The following MUC6 variants were observed in gnomAD, a reference collection of about 807,000 sequenced individuals.
The protein encoded by MUC6 is mucin-6.
In MUC6, 188 loss-of-function variants were observed where a neutral mutation model predicts 201.5. The observed-to-expected ratio is 0.93, with a 90% confidence interval of 0.83 to 1.05. The LOEUF (loss-of-function observed/expected upper bound fraction) is 1.05, where lower values mean the gene tolerates loss of function less well. Ranked by LOEUF, MUC6 falls within the 50% of genes least tolerant of loss-of-function variation. MUC6 has a pLI of 0.00. For synonymous variants in MUC6, 1,228 were observed against 1,389.4 expected, an observed-to-expected ratio of 0.88 and a Z score of 2.58; for missense variants, 2,706 against 3,256.9, an observed-to-expected ratio of 0.83 and a Z score of 4.12.
intron 29 of MUC6, 70 bp from the exon 30 acceptor site, chr11:1,019,566 C>G (rs1856762727): frequency 1.4e-6 from 2 of 1,384,356 alleles, no homozygotes; most frequent in South Asian, 2.4e-5. Context: ...TGTCCCAGCC[C>G]CCTGCCCTGC....
Position 1,026,945 on chromosome 11 carries a change from GCAA to G in MUC6, c.2387_2389del (p.Val796del), listed in dbSNP as rs760773071. ...GCTCCTCGCGCGCCCCCTTACGCAG[GCAA>G]CACCGGTGGCCAGCATCTGGCATGT... On this transcript the variant is annotated inframe_deletion, in exon 19 of 33. Transcript: ENST00000421673. The G allele has an allele frequency of 6.3e-7, 1 of 1,584,904 alleles. No individual in the cohort carries two copies. Among genetic ancestry groups the G allele is most frequent in the South Asian group, 1.1e-5 (1 of 87,012 alleles).
chr11:1,029,434 C>T, intron 9 of MUC6, 61 bp downstream of exon 9: 3 of 1,601,868 alleles, frequency 1.9e-6, no homozygotes, highest in African/African-American at 2.7e-5. Flanking sequence ...ACACCCCTGC[C>T]TGCCCTAGGC....
chr11:1,020,832 A>G, intron 27 of MUC6, 98 bp from the exon 28 acceptor site: 2 of 1,459,032 alleles, frequency 1.4e-6, no homozygotes, highest in Non-Finnish European at 1.9e-6. Context: ...GATGCTCACC[A>G]AGGCTGTGGT....
intron 30 of MUC6, among the ~76,000 whole-genome samples, chr11:1,018,976 G>C (rs979412024): frequency 6.6e-6 from 1 of 152,148 alleles, no homozygotes; most frequent in Admixed American, 6.5e-5. Flanking sequence ...GCTGCGTGCT[G>C]ACTCCTTCAG....
intron 1 of MUC6, among the ~76,000 whole-genome samples, chr11:1,035,138 G>A (rs929703555): frequency 1.8e-4 from 27 of 152,274 alleles, no homozygotes; most frequent in East Asian, 1.2e-3. Flanking sequence ...CCTGCAGCCC[G>A]TCTGTCCGAC....
In MUC6 at chr11:1,029,478, T is replaced by G. The variant is rs1407334139; in HGVS notation, c.1136+17A>C. 6.2e-7 allele frequency: 1 copy of G among 1,611,162 alleles called. No individual in the cohort carries two copies. The highest frequency in any genetic ancestry group is 1.7e-5 in the Admixed American group (1 of 59,830). On this transcript the variant is annotated intron_variant, in intron 9 of 32. Coordinates refer to ENST00000421673, the MANE Select transcript of MUC6 (RefSeq NM_005961.3). ...CCCCTGCCGGCCGGCCAGAGCCCCCTCCGGCGCCTCACTCACCAGGTTTGG... is the reference window on the plus strand; with the variant it reads ...CCCCTGCCGGCCGGCCAGAGCCCCCGCCGGCGCCTCACTCACCAGGTTTGG...
At position 1,016,501 on chromosome 11, in the gene MUC6, T is replaced by C. The variant is rs1350211230; in HGVS notation, c.6300A>G (p.Ser2100=). 6.2e-7 allele frequency: 1 copy of C among 1,601,388 alleles called. No homozygotes were observed. The highest frequency in any genetic ancestry group is 1.1e-5 in the South Asian group (1 of 90,508). ...TGGTGATAGGTGATGACGGTGGCCT[T>C]GAGCTAGAGTTCTGAGGCAGCCAAG... The part of the protein sequence containing the change: ...SSSWLPQNSS[S]RPPSSPITTQ... Residue 2100 remains serine, a synonymous_variant, in exon 31 of 33, where the codon TCA becomes TCG. Transcript: ENST00000421673.
rs199986032 is a variant in MUC6 at position 1,025,843 on chromosome 11, C to T, written c.2761G>A (p.Gly921Arg). Residue 921 changes from glycine to arginine, a missense_variant, in exon 22 of 33, where the codon GGG becomes AGG. Gly to Arg is a moderately radical substitution (Grantham distance 125). Transcript: ENST00000421673. Reference sequence around the variant, plus strand: ...TTGATGGCCCGTGAGCATGTGACCCCGGAGTTCCCACAGATGACGTTCTCT... The same window carrying T: ...TTGATGGCCCGTGAGCATGTGACCCTGGAGTTCCCACAGATGACGTTCTCT... ...LTENVICGNS[G>R]VTCSRAIKIF... 248 of 1,612,910 alleles carry T rather than the reference C, an allele frequency of 1.5e-4. 1 individual carries two copies. Among genetic ancestry groups the T allele is most frequent in the Non-Finnish European group, 1.9e-4 (223 of 1,179,762 alleles).
Position 1,033,046 on chromosome 11 carries a change from C to G in MUC6, c.82G>C (p.Gly28Arg). ...GGAGAGTCCTTCAGCCTCTGGAGGC[C>G]TGGGCTGGTGTAGGAGGTGTTAGCC... is the stretch of plus-strand genomic sequence containing the variant. ...GLANTSYTSP[G>R]LQRLKDSPQT... The change falls in exon 2 of 33, where the codon GGC becomes CGC. Residue 28 changes from glycine (G) to arginine (R), a missense_variant. Coordinates refer to ENST00000421673, the MANE Select transcript of MUC6 (RefSeq NM_005961.3). The surrounding 1 kb of genome is among the most constrained non-coding windows in gnomAD (Gnocchi z 5.6). 6.2e-7 allele frequency: 1 copy of G among 1,609,766 alleles called. No individual in the cohort carries two copies. Among genetic ancestry groups the G allele is most frequent in the Non-Finnish European group, 8.5e-7 (1 of 1,176,592 alleles).
At chr11:1,023,885 C>T (rs534551191) in intron 25 of MUC6, 62 bp downstream of exon 25, 21 of 1,575,004 alleles carry the variant, frequency 1.3e-5, no homozygotes, top group East Asian at 6.9e-5. Context: ...AGCCCTGCGC[C>T]GGCCCTTAGT....
Position 1,019,344 on chromosome 11 carries a change from C to G in MUC6, c.3961G>C (p.Ala1321Pro). The change falls in exon 30 of 33, where the codon GCT becomes CCT. Residue 1321 changes from alanine (A) to proline (P), a missense_variant. Transcript: ENST00000421673. ...ATTGTGGTCCGTGTTGTGGACTGAG[C>G]TGTGGACGTCGTGGCTGGGCTGGCG... ...STASPATTST[A>P]QSTTRTTMTL... 1 of 1,613,842 alleles carries G rather than the reference C, an allele frequency of 6.2e-7. No individual in the cohort carries two copies. Among genetic ancestry groups the G allele is most frequent in the Non-Finnish European group, 8.5e-7 (1 of 1,179,802 alleles).
In MUC6 at chr11:1,036,686, C is replaced by A; in HGVS notation, c.-31G>T. On this transcript the variant is annotated 5_prime_UTR_variant, in exon 1 of 33. Transcript: ENST00000421673. ...ACAGTGGAGAGGAGCTCGCGCTGGG[C>A]CCGGCAGGCCTGCTGCTGCCATCCA... The A allele has an allele frequency of 6.5e-7, 1 of 1,542,108 alleles. No homozygotes were observed.
In MUC6 at chr11:1,027,065, G is replaced by A. The variant is rs766965155; in HGVS notation, c.2285-15C>T. On this transcript the variant is annotated splice_polypyrimidine_tract_variant and intron_variant, in intron 18 of 32. Coordinates refer to ENST00000421673, the MANE Select transcript of MUC6 (RefSeq NM_005961.3). ...CTGGCAGGAGGCTGCAGGAAAGAGGGGTGCGCGGTCAGGACACTCAGAGGA... is the reference window on the plus strand; with the variant it reads ...CTGGCAGGAGGCTGCAGGAAAGAGGAGTGCGCGGTCAGGACACTCAGAGGA... 6.2e-7 allele frequency: 1 copy of A among 1,605,050 alleles called. No individual in the cohort carries two copies. The highest frequency in any genetic ancestry group is 1.1e-5 in the South Asian group (1 of 90,232).
rs1251575215 is a variant in MUC6, at chr11:1,023,980, C to T, written c.3349G>A (p.Val1117Met). 6.2e-7 allele frequency: 1 copy of T among 1,612,838 alleles called. No individual in the cohort carries two copies. Among genetic ancestry groups the T allele is most frequent in the Admixed American group, 1.7e-5 (1 of 59,954 alleles). ...AYAQACLDKGVCVDWRTPAFC... is the reference protein window; with the variant it reads ...AYAQACLDKGMCVDWRTPAFC... ...GCCGGGGTCCTCCAGTCCACGCACA[C>T]ACCCTTGTCCAGACAGGCTTGGGCG... Residue 1117 changes from valine to methionine, a missense_variant, in exon 25 of 33, where the codon GTG becomes ATG. By Grantham distance (21) the Val-to-Met change is conservative. This residue lies in a region of MUC6 where 1,850 missense variants were observed against 1,958.3 expected (regional missense o/e 0.94). Transcript: ENST00000421673.
At position 1,029,309 on chromosome 11, in the gene MUC6, G is replaced by A. The variant is rs1395699085; in HGVS notation, c.1194C>T (p.Ser398=). Residue 398 remains serine, a synonymous_variant, in exon 10 of 33, where the codon TCC becomes TCT. Coordinates refer to ENST00000421673, the MANE Select transcript of MUC6 (RefSeq NM_005961.3). ...TGGTAACAAAGGAGCCACCTTCCAG[G>A]GAGCAGTGTCCGGGGCACGGCCGCT... ...CTERPCPGHC[S]LEGGSFVTTF... 4 of 1,606,174 alleles carry A rather than the reference G, an allele frequency of 2.5e-6. No individual in the cohort carries two copies. Among genetic ancestry groups the A allele is most frequent in the Non-Finnish European group, 2.5e-6 (3 of 1,177,386 alleles).
At chr11:1,032,577 GGTGT>G (rs148681524) in intron 2 of MUC6, among the ~76,000 whole-genome samples, 5 of 151,074 alleles carry the variant, frequency 3.3e-5, no homozygotes, top group Admixed American at 6.6e-5. Flanking sequence ...GTGTGTGTAG[GGTGT>G]GTGTGTGTTG....
At chr11:1,019,786 C>T in intron 29 of MUC6, 1 of 619,400 alleles carries the variant, frequency 1.6e-6, no homozygotes, top group South Asian at 2.0e-5. Context: ...CCCTGGGCAG[C>T]AGATGGGGCC....
chr11:1,026,280 A>G, intron 20 of MUC6, 47 bp downstream of exon 20: 1 of 1,549,656 alleles, frequency 6.5e-7, no homozygotes, highest in South Asian at 1.2e-5. Flanking sequence ...CGCCTGCCCC[A>G]GATGGCCCCA....
chr11:1,029,486 C>T lies in MUC6; in HGVS notation c.1136+9G>A. ...GGCCGGCCAGAGCCCCCTCCGGCGC[C>T]TCACTCACCAGGTTTGGCAGGCAGC... On this transcript the variant is annotated intron_variant, in intron 9 of 32. Coordinates refer to ENST00000421673, the MANE Select transcript of MUC6 (RefSeq NM_005961.3). The T allele has an allele frequency of 1.2e-6, 2 of 1,611,750 alleles. 1 individual carries two copies. The highest frequency in any genetic ancestry group is 2.2e-5 in the South Asian group (2 of 90,990).
Sources: allele counts gnomAD v4.1 joint callset (sites outside exome capture counted in the v4.1 genomes callset), GRCh38; gene constraint gnomAD v4.1.1; regional missense constraint gnomAD v4.1.1; non-coding constraint Gnocchi (gnomAD v3.1); transcripts MANE v1.5; gene names NCBI Gene and HGNC (gene_info 2026-07-23, HGNC 2026-07-21).